The following CNTN5 variants were observed in gnomAD, a reference collection of about 807,000 sequenced individuals.
CNTN5 encodes the protein contactin-5.
In CNTN5, 77 loss-of-function variants were observed where a neutral mutation model predicts 129.1. The observed-to-expected ratio is 0.60, with a 90% CI of 0.50 to 0.72. The LOEUF is 0.72. CNTN5 is among the 30% of genes least tolerant of loss of function. The pLI is 0.00. For synonymous variants in CNTN5, 509 were observed against 465.6 expected, an observed-to-expected ratio of 1.09 and a Z score of -1.20; for missense variants, 1,478 against 1,328.8, an observed-to-expected ratio of 1.11 and a Z score of -1.75.
At chr11:99,819,302 T>TTCCTCCCCTCTTCTCCCCTCCCCTC (rs150739162) in intron 3 of CNTN5, among the ~76,000 whole-genome samples, 6 of 4,812 alleles carry the variant, frequency 1.2e-3, no homozygotes, top group Admixed American at 2.2e-3. Flanking sequence ...CTCCTCCCCT[T>TTCCTCCCCTCTTCTCCCCTCCCCTC]CCCTCCCCTC....
intron 2 of CNTN5, among the ~76,000 whole-genome samples, chr11:99,407,833 T>C (rs1316924742): frequency 1.3e-5 from 2 of 152,150 alleles, no homozygotes; most frequent in African/African-American, 4.8e-5. Context: ...TTTTGCTTTC[T>C]TCTATAACAA....
chr11:99,309,606 A>G (rs1468804593), intron 1 of CNTN5, among the ~76,000 whole-genome samples: 2 of 152,220 alleles, frequency 1.3e-5, no homozygotes, highest in African/African-American at 4.8e-5. Context: ...ATGCTTATCC[A>G]CATTCCGTCT....
At chr11:99,994,067 ATTAT>A (rs1390315451) in intron 8 of CNTN5, among the ~76,000 whole-genome samples, 1 of 152,116 alleles carries the variant, frequency 6.6e-6, no homozygotes, top group African/African-American at 2.4e-5. Flanking sequence ...CATAATGGAA[ATTAT>A]TTGAGGAACT....
chr11:99,423,769 T>G (rs897616278), intron 2 of CNTN5, among the ~76,000 whole-genome samples: 1 of 152,164 alleles, frequency 6.6e-6, no homozygotes, highest in Non-Finnish European at 1.5e-5. Context: ...CCAATGCCAT[T>G]TGTCCACAGT....
intron 13 of CNTN5, among the ~76,000 whole-genome samples, chr11:100,142,333 CCTAT>C (rs965813715): frequency 2.0e-5 from 3 of 152,096 alleles, no homozygotes; most frequent in Admixed American, 6.6e-5. Context: ...TGTCTGTCTG[CCTAT>C]CTGTCTATCT....
At chr11:100,333,434 A>T (rs11223678) in intron 21 of CNTN5, among the ~76,000 whole-genome samples, 1 of 129,100 alleles carries the variant, frequency 7.7e-6, no homozygotes, top group Non-Finnish European at 1.6e-5. Flanking sequence ...AAAAAAAAAC[A>T]CCTAAAATCC....
At chr11:99,768,399 G>T (rs752197288) in intron 3 of CNTN5, among the ~76,000 whole-genome samples, 12 of 152,094 alleles carry the variant, frequency 7.9e-5, no homozygotes, top group African/African-American at 2.9e-4. Flanking sequence ...TATAATACGC[G>T]AAGTATTTAA....
intron 18 of CNTN5, among the ~76,000 whole-genome samples, chr11:100,284,958 A>T (rs1950736977): frequency 6.6e-6 from 1 of 152,234 alleles, no homozygotes; most frequent in Non-Finnish European, 1.5e-5. Context: ...AGCAGGGTGG[A>T]CATAGGCAGG....
chr11:99,091,773 G>A (rs1866263731), intron 1 of CNTN5, among the ~76,000 whole-genome samples: 1 of 152,168 alleles, frequency 6.6e-6, no homozygotes, highest in Admixed American at 6.5e-5. Context: ...GAGCAACCTA[G>A]TTTTTATGTG....
intron 2 of CNTN5, among the ~76,000 whole-genome samples, chr11:99,531,135 G>A (rs1947688821): frequency 6.6e-6 from 1 of 152,166 alleles, no homozygotes. Flanking sequence ...TAGGGATATG[G>A]ACAATAAGGT....
intron 1 of CNTN5, among the ~76,000 whole-genome samples, chr11:99,273,432 T>A (rs1863270061): frequency 1.3e-5 from 2 of 151,854 alleles, no homozygotes; most frequent in Non-Finnish European, 2.9e-5. Flanking sequence ...GCTTTATTTG[T>A]ACAGAACCAT....
At chr11:99,359,927 A>G (rs1199670618) in intron 2 of CNTN5, among the ~76,000 whole-genome samples, 1 of 152,232 alleles carries the variant, frequency 6.6e-6, no homozygotes, top group Non-Finnish European at 1.5e-5. Flanking sequence ...TGGATTAAAA[A>G]TCAAAGTACA....
intron 1 of CNTN5, among the ~76,000 whole-genome samples, chr11:99,266,675 C>T (rs1428588400): frequency 1.3e-5 from 2 of 152,020 alleles, no homozygotes; most frequent in Admixed American, 6.6e-5. Context: ...GCCAACATAG[C>T]ATAATGTATT....
intron 1 of CNTN5, among the ~76,000 whole-genome samples, chr11:99,324,778 A>T (rs926493551): frequency 5.3e-5 from 8 of 152,080 alleles, no homozygotes; most frequent in African/African-American, 1.9e-4. Context: ...AGTAGCTGGG[A>T]CTACAGGCGC....
At chr11:100,198,102 C>T (rs567539983) in intron 15 of CNTN5, among the ~76,000 whole-genome samples, 3 of 152,054 alleles carry the variant, frequency 2.0e-5, no homozygotes, top group Admixed American at 2.0e-4. Flanking sequence ...TATAAACCCT[C>T]TCCATATTCA....
At chr11:99,641,686 G>T (rs1235905660) in intron 3 of CNTN5, among the ~76,000 whole-genome samples, 2 of 152,056 alleles carry the variant, frequency 1.3e-5, no homozygotes, top group Admixed American at 1.3e-4. Flanking sequence ...GCCATCACAG[G>T]ATCCATAGTA....
At chr11:99,492,813 A>T (rs1048528242) in intron 2 of CNTN5, among the ~76,000 whole-genome samples, 1 of 152,186 alleles carries the variant, frequency 6.6e-6, no homozygotes, top group African/African-American at 2.4e-5. Context: ...AGGCATGCAG[A>T]ACTGTGAATG....
At position 99,066,260 on chromosome 11, in the gene CNTN5, C is replaced by T. The variant is rs796789340; in HGVS notation, c.-210+44990C>T. On this transcript the variant is annotated intron_variant, in intron 1 of 24. Transcript: ENST00000524871. ...CTGGGACTACAGGTGTGTGGTACCACGCCCAGCTAATTTTTTGTATTTTAC... is the reference window on the plus strand; with the variant it reads ...CTGGGACTACAGGTGTGTGGTACCATGCCCAGCTAATTTTTTGTATTTTAC... Among the ~76,000 whole-genome samples, 11 of 152,086 alleles carry T rather than the reference C, an allele frequency of 7.2e-5. No homozygotes were observed. In the South Asian group the frequency reaches 1.5e-3, roughly 20 times the overall value.
chr11:99,897,835 A>G (rs181606238), intron 6 of CNTN5, among the ~76,000 whole-genome samples: 16 of 152,316 alleles, frequency 1.1e-4, no homozygotes, highest in African/African-American at 3.8e-4. Flanking sequence ...TACCCCACTT[A>G]AAACATGTAG....
Sources: allele counts gnomAD v4.1 joint callset (sites outside exome capture counted in the v4.1 genomes callset), GRCh38; gene constraint gnomAD v4.1.1; transcripts MANE v1.5; gene names NCBI Gene and HGNC (gene_info 2026-07-23, HGNC 2026-07-21).